LIPA: variants seen among roughly 807,000 people sequenced by gnomAD.
The protein encoded by LIPA is lysosomal acid lipase/cholesteryl ester hydrolase.
LIPA carries 26 observed loss-of-function variants against 40.6 expected under a neutral mutation model. That is an observed-to-expected ratio of 0.64 (90% confidence interval 0.47 to 0.89). LIPA has a LOEUF of 0.89. LIPA is among the 40% of genes least tolerant of loss of function. The pLI is 0.00. For synonymous variants in LIPA, 188 were observed against 168.4 expected, an observed-to-expected ratio of 1.12 and a Z score of -0.90; for missense variants, 455 against 479.6, an observed-to-expected ratio of 0.95 and a Z score of 0.48.
chr10:89,313,050 G>C (rs1261271945), intron 1 of LIPA, among the ~76,000 whole-genome samples: 1 of 152,110 alleles, frequency 6.6e-6, no homozygotes, highest in Non-Finnish European at 1.5e-5. Flanking sequence ...TGTCTTACAT[G>C]TTATTACCTG....
intron 2 of LIPA, chr10:89,363,076 C>T: frequency 4.4e-6 from 1 of 226,270 alleles, no homozygotes. Flanking sequence ...CTATATGCAG[C>T]CCAGTTTTAT....
At chr10:89,258,187 G>A (rs1843190361) in intron 1 of LIPA, among the ~76,000 whole-genome samples, 1 of 152,162 alleles carries the variant, frequency 6.6e-6, no homozygotes, top group Non-Finnish European at 1.5e-5. Flanking sequence ...ATTCAATGGG[G>A]AAAGAATAAT....
At chr10:89,297,103 C>T (rs370960921) in intron 1 of LIPA, among the ~76,000 whole-genome samples, 2 of 152,120 alleles carry the variant, frequency 1.3e-5, no homozygotes, top group South Asian at 4.1e-4. Context: ...GGGAAACACC[C>T]AAGGCGCAGA....
intron 1 of LIPA, chr10:89,305,847 T>A: frequency 1.4e-6 from 1 of 714,382 alleles, no homozygotes; most frequent in African/African-American, 1.8e-5. Flanking sequence ...AGAAGGGGAG[T>A]TTCTTTGATT....
At chr10:89,340,031 C>T in intron 1 of LIPA, 1 of 1,614,188 alleles carries the variant, frequency 6.2e-7, no homozygotes, top group Non-Finnish European at 8.5e-7. Flanking sequence ...ATTTTCCTGT[C>T]AGCATCTGAG....
intron 1 of LIPA, among the ~76,000 whole-genome samples, chr10:89,296,178 G>A (rs1843413654): frequency 6.6e-6 from 1 of 152,076 alleles, no homozygotes; most frequent in Non-Finnish European, 1.5e-5. Context: ...ATACATTTCT[G>A]TAAGTACCTA....
At chr10:89,344,817 A>G (rs564859623), upstream of LIPA, among the ~76,000 whole-genome samples, 2 of 152,338 alleles carry the variant, frequency 1.3e-5, no homozygotes, top group Admixed American at 6.5e-5. Context: ...ACAAATAAAT[A>G]AGCCACAATG....
At position 89,245,569 on chromosome 10, in the gene LIPA, C is replaced by T. The variant is rs376564435; in HGVS notation, c.229+107G>A. 57 of 763,558 alleles carry T rather than the reference C, an allele frequency of 7.5e-5. 1 individual carries two copies. The highest frequency in any genetic ancestry group is 3.4e-4 in the East Asian group (14 of 40,962). 47.3% of individuals were successfully genotyped at this position (763,558 alleles called of 1,614,324 possible). Reference sequence around the variant, plus strand: ...CAAACCTCAACACAGTTAGTGCTTTCGTCTAAAAATAATCCCATTTCAATG... The same window carrying T: ...CAAACCTCAACACAGTTAGTGCTTTTGTCTAAAAATAATCCCATTTCAATG... On this transcript the variant is annotated intron_variant, in intron 3 of 9. Transcript: ENST00000336233.
At chr10:89,346,905 A>G (rs1006761077), upstream of LIPA, among the ~76,000 whole-genome samples, 4 of 152,238 alleles carry the variant, frequency 2.6e-5, no homozygotes, top group African/African-American at 9.6e-5. Context: ...GGTTGGAGAA[A>G]GAGCCACACT....
chr10:89,245,285 TGA>T (rs951083212), intron 3 of LIPA, among the ~76,000 whole-genome samples: 1 of 151,896 alleles, frequency 6.6e-6, no homozygotes, highest in African/African-American at 2.4e-5. Flanking sequence ...AAGTAGGGAG[TGA>T]GAGAGAAGGG....
At chr10:89,240,359 G>A (rs1678019585) in intron 3 of LIPA, among the ~76,000 whole-genome samples, 1 of 152,172 alleles carries the variant, frequency 6.6e-6, no homozygotes, top group Non-Finnish European at 1.5e-5. Context: ...CCTTTGGGAG[G>A]CTGAGGGAGG....
upstream of LIPA, among the ~76,000 whole-genome samples, chr10:89,252,401 G>C (rs577527254): frequency 6.6e-6 from 1 of 152,302 alleles, no homozygotes; most frequent in South Asian, 2.1e-4. Context: ...CAAGGTTCCT[G>C]TTCTCTTGTA....
At chr10:89,330,675 T>C (rs1218362705) in intron 1 of LIPA, among the ~76,000 whole-genome samples, 1 of 152,234 alleles carries the variant, frequency 6.6e-6, no homozygotes, top group African/African-American at 2.4e-5. Context: ...CTCAGTGATA[T>C]GACTCAAGAA....
At chr10:89,254,908 C>T (rs962235259), upstream of LIPA, among the ~76,000 whole-genome samples, 2 of 152,218 alleles carry the variant, frequency 1.3e-5, no homozygotes, top group Admixed American at 6.5e-5. Context: ...ACCTTTACTA[C>T]AGTTCACAAC....
intron 1 of LIPA, among the ~76,000 whole-genome samples, chr10:89,312,090 C>T (rs897100882): frequency 1.3e-5 from 2 of 152,220 alleles, no homozygotes; most frequent in East Asian, 1.9e-4. Flanking sequence ...GATGACTTTG[C>T]GTCTCTGTGC....
intron 1 of LIPA, among the ~76,000 whole-genome samples, chr10:89,272,658 T>C (rs1468585472): frequency 6.6e-6 from 1 of 152,180 alleles, no homozygotes; most frequent in Non-Finnish European, 1.5e-5. Context: ...TTTAGGTCTT[T>C]GGGGAATCAC....
intron 2 of LIPA, chr10:89,403,246 C>G (rs1279818995): frequency 1.9e-6 from 3 of 1,614,162 alleles, no homozygotes; most frequent in Admixed American, 1.7e-5. Context: ...ATGATAAGAT[C>G]AGCCATATTT....
At chr10:89,255,439 G>A (rs1485170691), upstream of LIPA, among the ~76,000 whole-genome samples, 1 of 152,138 alleles carries the variant, frequency 6.6e-6, no homozygotes, top group Non-Finnish European at 1.5e-5. Flanking sequence ...CTCCCACTGG[G>A]TCCCTCCCAC....
intron 1 of LIPA, among the ~76,000 whole-genome samples, chr10:89,334,437 C>T (rs931693345): frequency 2.0e-5 from 3 of 147,228 alleles, no homozygotes; most frequent in Admixed American, 6.8e-5. Context: ...CAAGTTTCAC[C>T]TGAACCTAGC....
Sources: allele counts gnomAD v4.1 joint callset (sites outside exome capture counted in the v4.1 genomes callset), GRCh38; gene constraint gnomAD v4.1.1; transcripts MANE v1.5; gene names NCBI Gene and HGNC (gene_info 2026-07-23, HGNC 2026-07-21).